The following MYO5C variants were observed in gnomAD, a reference collection of about 807,000 sequenced individuals.
The protein encoded by MYO5C is unconventional myosin-Vc.
A neutral mutation model predicts 235.7 loss-of-function variants in MYO5C; 194 were observed. The observed-to-expected ratio is 0.82, with a 90% CI of 0.73 to 0.93. The LOEUF (loss-of-function observed/expected upper bound fraction) is 0.93. Among genes scored for constraint, MYO5C ranks in the 40% least tolerant of loss-of-function variants. The probability of loss-of-function intolerance (pLI) is 0.00; values close to 1 mark genes in which losing one functional copy is unlikely to be tolerated. For synonymous variants in MYO5C, 707 were observed against 754.8 expected (o/e 0.94, Z 1.04); for missense variants, 2,038 against 2,127.2 (o/e 0.96, Z 0.82).
chr15:52,255,589 T>C (rs1326464716), intron 11 of MYO5C, among the ~76,000 whole-genome samples: 1 of 152,212 alleles, frequency 6.6e-6, no homozygotes, highest in East Asian at 1.9e-4. Flanking sequence ...TGTAGAAAGA[T>C]GTTCAATCAA....
chr15:52,248,902 A>G (rs998387448), intron 13 of MYO5C, 119 bp from the exon 14 acceptor site: 9 of 694,370 alleles, frequency 1.3e-5, no homozygotes, highest in African/African-American at 3.6e-5. Context: ...CAATCTTACA[A>G]AAAGACGTCT....
At chr15:52,271,077 A>G (rs1259122560) in intron 7 of MYO5C, among the ~76,000 whole-genome samples, 1 of 151,972 alleles carries the variant, frequency 6.6e-6, no homozygotes, top group African/African-American at 2.4e-5. Flanking sequence ...GCCATCAAGG[A>G]AGGTCAAATT....
intron 4 of MYO5C, among the ~76,000 whole-genome samples, chr15:52,276,681 G>A (rs2037059995): frequency 6.6e-6 from 1 of 152,148 alleles, no homozygotes; most frequent in Non-Finnish European, 1.5e-5. Context: ...ACTCCTTTCT[G>A]CACATCCCAC....
At chr15:52,243,056 C>T (rs1392292100) in intron 19 of MYO5C, 2 of 152,216 alleles carry the variant, frequency 1.3e-5, no homozygotes, top group Non-Finnish European at 2.9e-5. Context: ...AGCCACCATG[C>T]TAGGTCTGGG....
chr15:52,252,879 G>C (rs2036503384), intron 12 of MYO5C, among the ~76,000 whole-genome samples: 1 of 152,208 alleles, frequency 6.6e-6, no homozygotes, highest in Admixed American at 6.5e-5. Context: ...GCCTACTTCA[G>C]AGTTTCCCAG....
chr15:52,219,288 G>A (rs906762863), intron 31 of MYO5C, among the ~76,000 whole-genome samples: 2 of 152,224 alleles, frequency 1.3e-5, no homozygotes, highest in Non-Finnish European at 2.9e-5. Flanking sequence ...TATTGGTCTC[G>A]TGATGGAAAT....
chr15:52,193,930 A>G lies in MYO5C; in HGVS notation c.5201T>C (p.Phe1734Ser). ...TAACCTATTCAGAAAGCCTAGCTTGAAACTGCTGGGGATCTGAATCATTTC... is the reference window on the plus strand; with the variant it reads ...TAACCTATTCAGAAAGCCTAGCTTGGAACTGCTGGGGATCTGAATCATTTC... ...ALEMIQIPSS[F>S]KLGFLNRL Residue 1734 changes from phenylalanine (F) to serine (S), a missense_variant, in exon 41 of 41, where the codon TTC becomes TCC. Coordinates refer to ENST00000261839, the MANE Select transcript of MYO5C (RefSeq NM_018728.4). 3.1e-6 allele frequency: 5 copies of G among 1,613,224 alleles called. No individual in the cohort carries two copies. The highest frequency in any genetic ancestry group is 4.2e-6 in the Non-Finnish European group (5 of 1,179,746).
At chr15:52,276,481 T>G (rs1370383668) in intron 4 of MYO5C, among the ~76,000 whole-genome samples, 1 of 152,164 alleles carries the variant, frequency 6.6e-6, no homozygotes, top group Non-Finnish European at 1.5e-5. Context: ...CATATGCCAA[T>G]ATTCCAGACT....
intron 9 of MYO5C, among the ~76,000 whole-genome samples, chr15:52,263,312 A>ACATACCC (rs1207365324): frequency 6.6e-6 from 1 of 152,198 alleles, no homozygotes; most frequent in African/African-American, 2.4e-5. Flanking sequence ...CTAATTAAAC[A>ACATACCC]CATACCCCTC....
chr15:52,246,256 T>C (rs2036341572), intron 16 of MYO5C, among the ~76,000 whole-genome samples: 1 of 152,190 alleles, frequency 6.6e-6, no homozygotes, highest in South Asian at 2.1e-4. Context: ...CTGACTCTGA[T>C]GGAGGTGGCA....
chr15:52,286,171 GGGA>G (rs2037263871), intron 1 of MYO5C, among the ~76,000 whole-genome samples: 3 of 152,044 alleles, frequency 2.0e-5, no homozygotes, highest in African/African-American at 7.2e-5. Context: ...CACCCCGTCT[GGGA>G]GGAGAAGAGT....
intron 32 of MYO5C, among the ~76,000 whole-genome samples, chr15:52,215,269 T>G (rs2035528025): frequency 6.6e-6 from 1 of 152,222 alleles, no homozygotes; most frequent in East Asian, 1.9e-4. Flanking sequence ...GTTCAGAGAT[T>G]TGGGCCTGGT....
In MYO5C at chr15:52,261,129, T is replaced by G; in HGVS notation, c.1048-2A>C. ...CACCTTCAGGTGACTGTCATCCTCC[T>G]TCAAAAACAAGCACAAGCCCCGTCA... is the stretch of plus-strand genomic sequence containing the variant. On this transcript the variant is annotated splice_acceptor_variant, in intron 9 of 40. Transcript: ENST00000261839. LOFTEE classifies it high-confidence loss of function. 2 of 1,613,106 alleles carry G rather than the reference T, an allele frequency of 1.2e-6. No homozygotes were observed. Among genetic ancestry groups the G allele is most frequent in the Non-Finnish European group, 1.7e-6 (2 of 1,179,400 alleles).
intron 29 of MYO5C, 124 bp from the exon 30 acceptor site, chr15:52,221,379 T>C (rs1234052678): frequency 3.0e-6 from 2 of 657,236 alleles, no homozygotes; most frequent in African/African-American, 1.8e-5. Context: ...GTAAAAGAGC[T>C]AGCCACGACA....
intron 9 of MYO5C, among the ~76,000 whole-genome samples, chr15:52,261,849 G>A (rs996049701): frequency 6.6e-6 from 1 of 152,218 alleles, no homozygotes; most frequent in African/African-American, 2.4e-5. Flanking sequence ...CTCTCAGGCA[G>A]GAGAACTCCC....
chr15:52,264,943 A>G (rs1286059619), intron 8 of MYO5C, among the ~76,000 whole-genome samples: 1 of 152,014 alleles, frequency 6.6e-6, no homozygotes, highest in Non-Finnish European at 1.5e-5. Context: ...ACTTTACCCA[A>G]CTCTCCTTCT....
intron 26 of MYO5C, 29 bp downstream of exon 26, chr15:52,225,410 A>G (rs1188711750): frequency 1.1e-5 from 16 of 1,510,782 alleles, no homozygotes; most frequent in Admixed American, 1.7e-5. Context: ...GTCTGCACCC[A>G]TGGACTAAGA....
chr15:52,286,045 G>T (rs1444303050), intron 1 of MYO5C, among the ~76,000 whole-genome samples: 1 of 151,688 alleles, frequency 6.6e-6, no homozygotes, highest in South Asian at 2.1e-4. Flanking sequence ...CTGCCCTGCC[G>T]CCCCGTCTGG....
chr15:52,216,640 T>C (rs2035560244), intron 32 of MYO5C, among the ~76,000 whole-genome samples: 2 of 150,680 alleles, frequency 1.3e-5, no homozygotes, highest in South Asian at 4.2e-4. Context: ...GACAAAAGAG[T>C]CTGGAAAAAA....
Sources: allele counts gnomAD v4.1 joint callset (sites outside exome capture counted in the v4.1 genomes callset), GRCh38; gene constraint gnomAD v4.1.1; transcripts MANE v1.5; gene names NCBI Gene and HGNC (gene_info 2026-07-23, HGNC 2026-07-21).